ACTN1: variants seen among roughly 807,000 people sequenced by gnomAD.
The protein encoded by ACTN1 is alpha-actinin-1.
In ACTN1, 30 loss-of-function variants were observed where a neutral mutation model predicts 119.6. That is an observed-to-expected ratio of 0.25 (90% CI 0.19 to 0.34). ACTN1 has a LOEUF of 0.34. Ranked by LOEUF, ACTN1 falls within the 10% of genes least tolerant of loss-of-function variation. The pLI is 1.00. For missense variants in ACTN1, 764 were observed against 1,223.4 expected (o/e 0.62, Z 5.60); for synonymous variants, 429 against 472.6 (o/e 0.91, Z 1.20).
Position 68,875,013 on chromosome 14 carries a change from T to G in ACTN1, c.2591A>C (p.Tyr864Ser). 2 of 1,613,120 alleles carry G rather than the reference T, an allele frequency of 1.2e-6. No homozygotes were observed. Among genetic ancestry groups the G allele is most frequent in the Non-Finnish European group, 1.7e-6 (2 of 1,179,994 alleles). The change falls in exon 22 of 22, where the codon TAC becomes TCC. Residue 864 changes from tyrosine to serine, a missense_variant. By Grantham distance (144) the Tyr-to-Ser change is moderately radical. Coordinates refer to ENST00000394419, the MANE Select transcript of ACTN1 (RefSeq NM_001130004.2). ...GCGGCGCAGCTCGTCCATGGTAATG[T>G]AGTTCTGCGAGGAGAGAGTGGTCAG... is the stretch of plus-strand genomic sequence containing the variant. ...SFKILAGDKN[Y>S]ITMDELRREL...
chr14:68,978,248 C>A (rs770823451), intron 1 of ACTN1: 1 of 455,792 alleles, frequency 2.2e-6, no homozygotes, highest in South Asian at 1.6e-5. Context: ...CAGGACGTAG[C>A]GCAAGCCCAT....
At chr14:68,962,237 G>A (rs1042251389) in intron 1 of ACTN1, among the ~76,000 whole-genome samples, 14 of 152,198 alleles carry the variant, frequency 9.2e-5, no homozygotes, top group Non-Finnish European at 2.1e-4. Context: ...TGAGGAGGGG[G>A]TAGAGGCAGG....
rs78879017 is a variant in ACTN1, at chr14:68,956,609, A to G, written c.105+22343T>C. On this transcript the variant is annotated intron_variant, in intron 1 of 21. Coordinates refer to ENST00000394419, the MANE Select transcript of ACTN1 (RefSeq NM_001130004.2). ...TTGGAGTGAACCTCTCCACTTGGGT[A>G]GCAGAGGGTGGACATACCCAGGGGA... is the stretch of plus-strand genomic sequence containing the variant. 4.1e-4 allele frequency among the ~76,000 whole-genome samples: 63 copies of G among 152,266 alleles called. 2 individuals are homozygous for G. The East Asian group carries it at 0.012, about 29-fold the overall frequency.
At chr14:68,916,108 G>A (rs917694705) in intron 3 of ACTN1, among the ~76,000 whole-genome samples, 1 of 152,240 alleles carries the variant, frequency 6.6e-6, no homozygotes, top group African/African-American at 2.4e-5. Flanking sequence ...AGTGGGAAAA[G>A]CAGGTAAAAA....
chr14:68,885,531 G>C lies in ACTN1; in HGVS notation c.1279C>G (p.Leu427Val). 2 of 1,614,074 alleles carry C rather than the reference G, an allele frequency of 1.2e-6. No homozygotes were observed. The highest frequency in any genetic ancestry group is 1.7e-6 in the Non-Finnish European group (2 of 1,180,014). Residue 427 changes from leucine (L) to valine (V), a missense_variant, in exon 12 of 22, where the codon CTC (leucine) becomes GTC (valine). Around this residue, in one of 4 missense-constraint regions of ACTN1, gnomAD observed 544 missense variants for 912.0 expected, o/e 0.60. Coordinates refer to ENST00000394419, the MANE Select transcript of ACTN1 (RefSeq NM_001130004.2). The surrounding 1 kb of genome is among the most constrained non-coding windows in gnomAD (Gnocchi z 5.6). ...LRQKDYETAT[L>V]SEIKALLKKH... ...TTGAGCAGGGCCTTGATCTCCGAGA[G>C]GGTGGCGGTCTCATAGTCCTTCTGT...
chr14:68,945,417 A>T (rs1477919829), intron 1 of ACTN1, among the ~76,000 whole-genome samples: 1 of 152,186 alleles, frequency 6.6e-6, no homozygotes, highest in African/African-American at 2.4e-5. Flanking sequence ...TAGCTGAAAG[A>T]AACAAATGGG....
chr14:68,903,871 G>C (rs2033502781), intron 7 of ACTN1, among the ~76,000 whole-genome samples: 1 of 152,180 alleles, frequency 6.6e-6, no homozygotes, highest in South Asian at 2.1e-4. Context: ...CAATGGTAAG[G>C]TCAGCAGCCA....
chr14:68,978,138 A>C, intron 1 of ACTN1: 1 of 455,782 alleles, frequency 2.2e-6, no homozygotes, highest in South Asian at 1.6e-5. Flanking sequence ...CTAAGTAGGG[A>C]TCCCCAGTGA....
Position 68,885,322 on chromosome 14 carries a change from C to G in ACTN1, c.1385+103G>C, listed in dbSNP as rs1375744851. ...CCCCACCTGGGCACCCACCTGTACC[C>G]ACCCTCCCCATCTTCCACGGCCACA... is the stretch of plus-strand genomic sequence containing the variant. On this transcript the variant is annotated intron_variant, in intron 12 of 21. Coordinates refer to ENST00000394419, the MANE Select transcript of ACTN1 (RefSeq NM_001130004.2). The surrounding 1 kb of genome is among the most constrained non-coding windows in gnomAD (Gnocchi z 5.6). 3 of 1,413,754 alleles carry G rather than the reference C, an allele frequency of 2.1e-6. No homozygotes were observed. Among genetic ancestry groups the G allele is most frequent in the Non-Finnish European group, 1.9e-6 (2 of 1,066,184 alleles). 87.6% of individuals were successfully genotyped at this position (1,413,754 alleles called of 1,614,324 possible). A position where few individuals can be genotyped will look rare whatever the true frequency, so the allele number is the denominator to read the frequency against.
At chr14:68,913,869 C>A (rs1419566496) in intron 3 of ACTN1, among the ~76,000 whole-genome samples, 8 of 152,156 alleles carry the variant, frequency 5.3e-5, no homozygotes, top group African/African-American at 1.9e-4. Context: ...TGCTACCAAG[C>A]AACACAGCCA....
At position 68,900,095 on chromosome 14, in the gene ACTN1, G is replaced by A. The variant is rs142864196; in HGVS notation, c.762+2382C>T. Reference sequence around the variant, plus strand: ...GGGGCTGGTCTCCTGTCTCTGGCCCGCACCAATGAGCCCTGGAAGGAAGTT... The same window carrying A: ...GGGGCTGGTCTCCTGTCTCTGGCCCACACCAATGAGCCCTGGAAGGAAGTT... On this transcript the variant is annotated intron_variant, in intron 8 of 21. Coordinates refer to ENST00000394419, the MANE Select transcript of ACTN1 (RefSeq NM_001130004.2). Among the ~76,000 whole-genome samples, 897 of 152,192 alleles carry A rather than the reference G, an allele frequency of 5.9e-3. 18 individuals are homozygous for A. Among genetic ancestry groups the A allele is most frequent in the Non-Finnish European group, 3.7e-3 (253 of 68,010 alleles).
In ACTN1 at chr14:68,885,703, A is replaced by G. The variant is rs2031944983; in HGVS notation, c.1235-128T>C. The G allele has an allele frequency of 2.8e-6, 3 of 1,084,836 alleles. No individual in the cohort carries two copies. In the Admixed American group the frequency reaches 8.3e-5, roughly 30 times the overall value. 67.2% of individuals were successfully genotyped at this position (1,084,836 alleles called of 1,614,324 possible). On this transcript the variant is annotated intron_variant, in intron 11 of 21. Transcript: ENST00000394419. This position sits in a 1 kb window ranked among gnomAD's most constrained non-coding sequence, Gnocchi z 5.6. ...CTTCTCAAGGAGGTGCCCATTGTGC[A>G]GGGATCTGCAGGGTGCAAAAGCAGA...
At chr14:68,932,157 G>C (rs1037345535) in intron 1 of ACTN1, among the ~76,000 whole-genome samples, 1 of 151,928 alleles carries the variant, frequency 6.6e-6, no homozygotes, top group Non-Finnish European at 1.5e-5. Context: ...ATTAACATCT[G>C]AATCAGTGGA....
intron 1 of ACTN1, among the ~76,000 whole-genome samples, chr14:68,956,094 G>C (rs1185662146): frequency 6.6e-6 from 1 of 152,074 alleles, no homozygotes; most frequent in Non-Finnish European, 1.5e-5. Context: ...GAGACCAGGG[G>C]TCCAAGGCTG....
At chr14:68,883,587 C>T (rs2031746529) in intron 14 of ACTN1, among the ~76,000 whole-genome samples, 2 of 151,974 alleles carry the variant, frequency 1.3e-5, no homozygotes, top group Admixed American at 6.6e-5. Flanking sequence ...GCCTGAGCAA[C>T]AAAGAAAAAA....
At chr14:68,910,995 T>C (rs953575553) in intron 4 of ACTN1, among the ~76,000 whole-genome samples, 4 of 152,218 alleles carry the variant, frequency 2.6e-5, no homozygotes, top group African/African-American at 9.6e-5. Flanking sequence ...GTCTCGGGTA[T>C]GTCCTTACCA....
At chr14:68,891,156 T>TC (rs1192951143) in intron 10 of ACTN1, among the ~76,000 whole-genome samples, 2 of 151,546 alleles carry the variant, frequency 1.3e-5, no homozygotes, top group Non-Finnish European at 2.9e-5. Flanking sequence ...CCTTTCACCC[T>TC]CCCCTTCTAG....
chr14:68,953,886 A>C (rs1201864182), intron 1 of ACTN1, among the ~76,000 whole-genome samples: 1 of 124,446 alleles, frequency 8.0e-6, no homozygotes, highest in East Asian at 2.0e-4. Context: ...ACTCTGTCTC[A>C]AAAAAAAAAA....
In ACTN1 at chr14:68,877,195, G is replaced by C; in HGVS notation, c.2473C>G (p.Arg825Gly). 6.2e-7 allele frequency: 1 copy of C among 1,614,184 alleles called. No individual in the cohort carries two copies. The highest frequency in any genetic ancestry group is 1.3e-5 in the African/African-American group (1 of 75,060). Residue 825 changes from arginine (R) to glycine (G), a missense_variant, in exon 21 of 22, where the codon CGC (arginine) becomes GGC (glycine). Physicochemically the swap from Arg to Gly is moderately radical, Grantham distance 125. Coordinates refer to ENST00000394419, the MANE Select transcript of ACTN1 (RefSeq NM_001130004.2). ...ARIMSIVDPNRLGVVTFQAFI... is the reference protein window; with the variant it reads ...ARIMSIVDPNGLGVVTFQAFI... ...GCCTGGAATGTCACTACCCCCAGGC[G>C]GTTGGGGTCCACAATGCTCATGATG... is the stretch of plus-strand genomic sequence containing the variant.
Sources: gnomAD v4.1 joint callset for allele counts (sites outside exome capture counted in the v4.1 genomes callset) on GRCh38, gnomAD v4.1.1 for gene constraint, gnomAD v4.1.1 regional missense constraint, Gnocchi (gnomAD v3.1) non-coding constraint, MANE v1.5 for transcripts, NCBI Gene and HGNC (gene_info 2026-07-23, HGNC 2026-07-21) for gene names.